Variants in ARHGAP44 observed in about 807,000 individuals in gnomAD.
The protein encoded by ARHGAP44 is rho GTPase-activating protein 44.
ARHGAP44 carries 43 observed loss-of-function variants against 106.8 expected under a neutral mutation model. The observed-to-expected ratio is 0.40, with a 90% CI of 0.32 to 0.52. The LOEUF is 0.52. ARHGAP44 is among the 20% of genes least tolerant of loss of function. The pLI is 0.48. For synonymous variants in ARHGAP44, 439 were observed against 410.3 expected (o/e 1.07, Z -0.85); for missense variants, 866 against 1,050.5 (o/e 0.82, Z 2.43).
chr17:12,865,790 G>GAAAAAAAAAAAAAAAAAAAAA (rs34877405), intron 1 of ARHGAP44, among the ~76,000 whole-genome samples: 1 of 119,108 alleles, frequency 8.4e-6, no homozygotes. Flanking sequence ...CTCATCTCAA[G>GAAAAAAAAAAAAAAAAAAAAA]AAAAAAAAAA....
chr17:12,797,664 T>G (rs191890875), intron 1 of ARHGAP44, among the ~76,000 whole-genome samples: 101 of 152,318 alleles, frequency 6.6e-4, no homozygotes, highest in Admixed American at 4.3e-3. Flanking sequence ...ATGCTGTGTC[T>G]TAACCACAGT....
At chr17:12,825,239 T>C (rs1185183724) in intron 1 of ARHGAP44, among the ~76,000 whole-genome samples, 3 of 152,114 alleles carry the variant, frequency 2.0e-5, no homozygotes, top group Admixed American at 2.0e-4. Flanking sequence ...GGTTTTGTCA[T>C]GTTGCCCAGG....
intron 1 of ARHGAP44, among the ~76,000 whole-genome samples, chr17:12,871,069 A>G (rs1345805922): frequency 6.6e-6 from 1 of 152,036 alleles, no homozygotes; most frequent in Non-Finnish European, 1.5e-5. Flanking sequence ...TCGTAATCAC[A>G]TAGTTTGGCC....
At chr17:12,904,656 A>G (rs975126013) in intron 3 of ARHGAP44, among the ~76,000 whole-genome samples, 5 of 152,230 alleles carry the variant, frequency 3.3e-5, no homozygotes, top group Admixed American at 2.0e-4. Flanking sequence ...AAAGGTATCT[A>G]TCTCTATGTG....
chr17:12,989,910 A>G, intron 20 of ARHGAP44, 122 bp from the exon 21 acceptor site: 1 of 1,408,492 alleles, frequency 7.1e-7, no homozygotes, highest in East Asian at 2.3e-5. Flanking sequence ...CCAACCTCCA[A>G]ATGATCTATC....
At position 12,980,244 on chromosome 17, in the gene ARHGAP44, G is replaced by A. The variant is rs2039799195; in HGVS notation, c.1939+11G>A. 1 of 1,596,906 alleles carries A rather than the reference G, an allele frequency of 6.3e-7. No homozygotes were observed. The highest frequency in any genetic ancestry group is 1.1e-5 in the South Asian group (1 of 89,990). The stretch of plus-strand genomic sequence containing the variant: ...ACACCCTCCGGAAAGGTATGGCCCT[G>A]CTTCCCTTCTCCTTGGTCTCAGGCC... On this transcript the variant is annotated intron_variant, in intron 19 of 20. Transcript: ENST00000379672.
intron 4 of ARHGAP44, among the ~76,000 whole-genome samples, chr17:12,912,072 C>G (rs2037753014): frequency 6.6e-6 from 1 of 152,138 alleles, no homozygotes; most frequent in Non-Finnish European, 1.5e-5. Flanking sequence ...AGGAAAGTCT[C>G]TAACCTGAAA....
At chr17:12,811,332 G>T (rs936305772) in intron 1 of ARHGAP44, among the ~76,000 whole-genome samples, 1 of 148,910 alleles carries the variant, frequency 6.7e-6, no homozygotes, top group African/African-American at 2.5e-5. Context: ...AAAAAAAATC[G>T]TAAGAAAGAG....
At chr17:12,962,723 T>C (rs1325965678) in intron 16 of ARHGAP44, among the ~76,000 whole-genome samples, 1 of 152,156 alleles carries the variant, frequency 6.6e-6, no homozygotes, top group Non-Finnish European at 1.5e-5. Context: ...GATTTCCACC[T>C]GGTAATACTG....
At chr17:12,926,966 C>A (rs931966238) in intron 6 of ARHGAP44, among the ~76,000 whole-genome samples, 1 of 152,068 alleles carries the variant, frequency 6.6e-6, no homozygotes, top group African/African-American at 2.4e-5. Context: ...CTCCACAACA[C>A]TTTAATACTT....
chr17:12,798,211 T>C (rs1380555395), intron 1 of ARHGAP44, among the ~76,000 whole-genome samples: 1 of 152,206 alleles, frequency 6.6e-6, no homozygotes. Context: ...CTAATTGCAT[T>C]GTCTAGGACT....
At chr17:12,815,309 G>A (rs189090154) in intron 1 of ARHGAP44, among the ~76,000 whole-genome samples, 243 of 152,130 alleles carry the variant, frequency 1.6e-3, no homozygotes, top group African/African-American at 5.2e-3. Context: ...CAAACATTCC[G>A]CCTCGCACTT....
Position 12,949,803 on chromosome 17 carries a change from C to A in ARHGAP44, c.1055+73C>A. The A allele has an allele frequency of 6.9e-7, 1 of 1,451,378 alleles. No individual in the cohort carries two copies. The highest frequency in any genetic ancestry group is 9.6e-7 in the Non-Finnish European group (1 of 1,040,566). The allele number at this position is 1,451,378 out of a possible 1,614,324, so 89.9% of individuals were successfully genotyped here. A position where few individuals can be genotyped will look rare whatever the true frequency, so the allele number is the denominator to read the frequency against. On this transcript the variant is annotated intron_variant, in intron 12 of 20. Coordinates refer to ENST00000379672, the MANE Select transcript of ARHGAP44 (RefSeq NM_014859.6). The surrounding 1 kb of genome is among the most constrained non-coding windows in gnomAD (Gnocchi z 4.1). ...GGAGTATGTGCTGAAATTATAGAAG[C>A]ATGTAACCTATGATCTCGCAACCCC...
At chr17:12,835,680 AT>A (rs2035217502) in intron 1 of ARHGAP44, among the ~76,000 whole-genome samples, 2 of 152,218 alleles carry the variant, frequency 1.3e-5, no homozygotes, top group African/African-American at 4.8e-5. Flanking sequence ...CATCTTAACC[AT>A]TTTTAAGTGT....
intron 1 of ARHGAP44, among the ~76,000 whole-genome samples, chr17:12,850,158 A>G (rs919495065): frequency 2.0e-5 from 3 of 152,326 alleles, no homozygotes; most frequent in African/African-American, 7.2e-5. Flanking sequence ...AACTCAGAGA[A>G]CATTTTCCAA....
intron 3 of ARHGAP44, among the ~76,000 whole-genome samples, chr17:12,903,136 AGAGAGTGTGTGTGTGTGTGTGTGTGT>A (rs2037440406): frequency 1.7e-5 from 2 of 118,622 alleles, no homozygotes; most frequent in African/African-American, 6.4e-5. Flanking sequence ...GGAGAGAGAG[AGAGAGTGTGTGTGTGTGTGTGTGTGT>A]GTGTGTGTGT....
chr17:12,982,814 G>C (rs1211078019), intron 19 of ARHGAP44: 2 of 151,958 alleles, frequency 1.3e-5, no homozygotes, highest in Non-Finnish European at 2.9e-5. Context: ...TGAAGGGCAT[G>C]TCCTTCTGTC....
intron 1 of ARHGAP44, among the ~76,000 whole-genome samples, chr17:12,828,864 A>G: frequency 6.6e-6 from 1 of 151,706 alleles, no homozygotes; most frequent in Non-Finnish European, 1.5e-5. Flanking sequence ...GATGGTCTCG[A>G]TCTCCTGACC....
intron 16 of ARHGAP44, among the ~76,000 whole-genome samples, chr17:12,963,355 C>T (rs2039310199): frequency 6.6e-6 from 1 of 152,224 alleles, no homozygotes; most frequent in South Asian, 2.1e-4. Flanking sequence ...TCTCTGGAGA[C>T]AGTCACTCTT....
Sources: gnomAD v4.1 joint callset for allele counts (sites outside exome capture counted in the v4.1 genomes callset) on GRCh38, gnomAD v4.1.1 for gene constraint, Gnocchi (gnomAD v3.1) non-coding constraint, MANE v1.5 for transcripts, NCBI Gene and HGNC (gene_info 2026-07-23, HGNC 2026-07-21) for gene names.